The following THADA variants were observed in gnomAD, a reference collection of about 807,000 sequenced individuals.
THADA encodes the protein tRNA (32-2'-O)-methyltransferase regulator THADA.
Under a neutral mutation model 219.8 loss-of-function variants are expected in THADA, and 213 were observed. The ratio of observed to expected loss-of-function variants is 0.97; its 90% CI spans 0.87 to 1.09. The LOEUF (loss-of-function observed/expected upper bound fraction) is 1.09, where lower values mean the gene tolerates loss of function less well. Ranked by LOEUF, THADA falls within the 50% of genes least tolerant of loss-of-function variation. The pLI is 0.00. For synonymous variants in THADA, 1,018 were observed against 828.9 expected (o/e 1.23, Z -3.92); for missense variants, 2,956 against 2,311.3 (o/e 1.28, Z -5.72).
intron 26 of THADA, among the ~76,000 whole-genome samples, chr2:43,481,582 T>A (rs1417072765): frequency 6.6e-6 from 1 of 152,226 alleles, no homozygotes; most frequent in Admixed American, 6.5e-5. Flanking sequence ...AATGTGTTCA[T>A]CACTCACATC....
At chr2:43,384,011 C>T (rs1197802677) in intron 29 of THADA, among the ~76,000 whole-genome samples, 1 of 152,092 alleles carries the variant, frequency 6.6e-6, no homozygotes, top group Non-Finnish European at 1.5e-5. Flanking sequence ...CAGGCTACCC[C>T]CCTACCCCAG....
At chr2:43,301,714 G>A (rs150068336) in intron 31 of THADA, among the ~76,000 whole-genome samples, 15 of 152,282 alleles carry the variant, frequency 9.9e-5, no homozygotes, top group Middle Eastern at 6.8e-3. Flanking sequence ...CATGTCAGGG[G>A]ACACTTGACC....
chr2:43,514,354 G>A (rs1390822141), intron 22 of THADA, among the ~76,000 whole-genome samples: 1 of 150,162 alleles, frequency 6.7e-6, no homozygotes, highest in Non-Finnish European at 1.5e-5. Context: ...GGGAGGCTGA[G>A]GTGGGAGGAT....
At chr2:43,257,078 G>A (rs1670391621) in intron 36 of THADA, among the ~76,000 whole-genome samples, 1 of 152,192 alleles carries the variant, frequency 6.6e-6, no homozygotes, top group South Asian at 2.1e-4. Flanking sequence ...CTGGTAGACA[G>A]GTAGAGGTCC....
chr2:43,312,725 T>C (rs1347950409), intron 31 of THADA, among the ~76,000 whole-genome samples: 1 of 151,898 alleles, frequency 6.6e-6, no homozygotes, highest in Admixed American at 6.6e-5. Context: ...CTGTTTTTTT[T>C]TTTTTTTTTT....
chr2:43,370,751 T>C (rs1211024039), intron 29 of THADA, among the ~76,000 whole-genome samples: 1 of 152,222 alleles, frequency 6.6e-6, no homozygotes, highest in African/African-American at 2.4e-5. Flanking sequence ...CTACTCTCTG[T>C]GAAATAAAAA....
chr2:43,377,383 A>G (rs573090912), intron 29 of THADA, among the ~76,000 whole-genome samples: 6 of 152,182 alleles, frequency 3.9e-5, no homozygotes, highest in East Asian at 1.9e-4. Flanking sequence ...CTCTTTAGAC[A>G]TAGATTTTTT....
Position 43,279,791 on chromosome 2 carries a change from G to A in THADA, c.5270C>T (p.Ser1757Leu), listed in dbSNP as rs571457349. ...AATETVTTAM[S>L]QENTCQSTEF... is the part of the protein sequence containing the mutation. Reference sequence around the variant, plus strand: ...TGTTGACTGGCAGGTATTTTCTTGTGACATGGCAGTTGTCACGGTTTCCGT... The same window carrying A: ...TGTTGACTGGCAGGTATTTTCTTGTAACATGGCAGTTGTCACGGTTTCCGT... The change falls in exon 36 of 38, where the codon TCA (serine) becomes TTA (leucine). Residue 1757 changes from serine (S) to leucine (L), a missense_variant. By Grantham distance (145) the Ser-to-Leu change is moderately radical. Coordinates refer to ENST00000405975, the MANE Select transcript of THADA (RefSeq NM_022065.5). 6 of 1,551,496 alleles carry A rather than the reference G, an allele frequency of 3.9e-6. No homozygotes were observed. The highest frequency in any genetic ancestry group is 1.4e-5 in the African/African-American group (1 of 73,326).
At chr2:43,585,531 T>C (rs1364642265) in intron 7 of THADA, among the ~76,000 whole-genome samples, 1 of 118,574 alleles carries the variant, frequency 8.4e-6, no homozygotes, top group Non-Finnish European at 1.8e-5. Flanking sequence ...GAAAAAAAAA[T>C]GTAGATAGAT....
At position 43,552,268 on chromosome 2, in the gene THADA, C is replaced by T. The variant is rs775885637; in HGVS notation, c.2746G>A (p.Ala916Thr). The change falls in exon 18 of 38, where the codon GCA (alanine) becomes ACA (threonine). Residue 916 changes from alanine (A) to threonine (T), a missense_variant. By Grantham distance (58) the Ala-to-Thr change is moderately conservative. Transcript: ENST00000405975. ...QAENSLLQAA[A>T]AFPMYGRVHC... ...ACTCGCCCATACATTGGAAATGCTG[C>T]TGCTGCCTGAAGCAGAGAATTTTCA... The T allele has an allele frequency of 6.2e-7, 1 of 1,611,610 alleles. No homozygotes were observed. The highest frequency in any genetic ancestry group is 1.1e-5 in the South Asian group (1 of 90,410).
chr2:43,252,473 G>A (rs1197536932), intron 36 of THADA, among the ~76,000 whole-genome samples: 2 of 152,008 alleles, frequency 1.3e-5, no homozygotes, highest in Non-Finnish European at 2.9e-5. Flanking sequence ...TTTTATAATG[G>A]GGTATAACAG....
chr2:43,293,765 T>C (rs1675031144), intron 31 of THADA, among the ~76,000 whole-genome samples: 2 of 152,242 alleles, frequency 1.3e-5, no homozygotes, highest in South Asian at 4.1e-4. Context: ...TTACAATTCT[T>C]GTGTCCCCTC....
chr2:43,520,813 G>T (rs1211624564), intron 22 of THADA, among the ~76,000 whole-genome samples: 1 of 151,516 alleles, frequency 6.6e-6, no homozygotes, highest in South Asian at 2.1e-4. Context: ...AATGTATCCA[G>T]CTTCCCTCAG....
At chr2:43,407,487 G>A (rs1490579832) in intron 28 of THADA, among the ~76,000 whole-genome samples, 1 of 152,084 alleles carries the variant, frequency 6.6e-6, no homozygotes, top group East Asian at 1.9e-4. Context: ...AAGGTTGACT[G>A]CACAAATCAT....
rs182896379 is a variant in THADA, at chr2:43,528,071, C to T, written c.3265-83G>A. ...TATATCAGTAACACTGTTTAGAACC[C>T]AGGTCTAGGGGTCCATTCATTTAGC... On this transcript the variant is annotated intron_variant, in intron 21 of 37. Coordinates refer to ENST00000405975, the MANE Select transcript of THADA (RefSeq NM_022065.5). The T allele has an allele frequency of 3.1e-3, 2,808 of 919,472 alleles. 11 individuals carry two copies. The highest frequency in any genetic ancestry group is 0.012 in the Middle Eastern group (49 of 4,004). 57.0% of individuals were successfully genotyped at this position (919,472 alleles called of 1,614,324 possible).
intron 36 of THADA, among the ~76,000 whole-genome samples, chr2:43,239,555 T>A (rs558180829): frequency 6.6e-6 from 1 of 152,266 alleles, no homozygotes; most frequent in Non-Finnish European, 1.5e-5. Context: ...TCAAAGTGGA[T>A]GTCTTCCAGG....
chr2:43,295,955 T>G (rs908996759), intron 31 of THADA, among the ~76,000 whole-genome samples: 3 of 149,684 alleles, frequency 2.0e-5, no homozygotes, highest in African/African-American at 7.4e-5. Context: ...AGTCTCGCTC[T>G]GTCGCCCAGG....
chr2:43,592,253 T>C, intron 2 of THADA, 64 bp downstream of exon 2: 2 of 1,210,750 alleles, frequency 1.7e-6, no homozygotes, highest in Admixed American at 5.2e-5. Flanking sequence ...GGGGTCCCAG[T>C]CATTAAAATA....
intron 36 of THADA, among the ~76,000 whole-genome samples, chr2:43,258,663 C>G (rs1156821879): frequency 2.0e-5 from 3 of 152,188 alleles, no homozygotes; most frequent in Non-Finnish European, 4.4e-5. Flanking sequence ...TGGACGACCT[C>G]AATGACCAGG....
Sources: gnomAD v4.1 joint callset for allele counts (sites outside exome capture counted in the v4.1 genomes callset) on GRCh38, gnomAD v4.1.1 for gene constraint, MANE v1.5 for transcripts, NCBI Gene and HGNC (gene_info 2026-07-23, HGNC 2026-07-21) for gene names.